CCDC171: variants seen among roughly 807,000 people sequenced by gnomAD.
CCDC171 encodes coiled-coil domain containing 171, also known as coiled-coil domain-containing protein 171.
In CCDC171, 177 loss-of-function variants were observed where a neutral mutation model predicts 168.2. That is an observed-to-expected ratio of 1.05 (90% CI 0.93 to 1.19). The LOEUF (loss-of-function observed/expected upper bound fraction) is 1.19, where lower values mean the gene tolerates loss of function less well. Among genes scored for constraint, CCDC171 ranks in the 50% most tolerant of loss-of-function variants. The probability of loss-of-function intolerance (pLI) is 0.00; values close to 1 mark genes in which losing one functional copy is unlikely to be tolerated. For synonymous variants in CCDC171, 687 were observed against 540.8 expected (o/e 1.27, Z -3.75); for missense variants, 1,991 against 1,539.0 (o/e 1.29, Z -4.91).
intron 11 of CCDC171, among the ~76,000 whole-genome samples, chr9:15,712,119 C>T (rs1420113361): frequency 2.0e-5 from 3 of 152,210 alleles, no homozygotes; most frequent in Middle Eastern, 3.2e-3. Context: ...AGAGAGAAAG[C>T]ATTCTTTCTT....
intron 6 of CCDC171, among the ~76,000 whole-genome samples, chr9:16,030,740 G>A (rs1031799850): frequency 4.6e-5 from 7 of 152,144 alleles, no homozygotes; most frequent in Non-Finnish European, 1.0e-4. Flanking sequence ...CCGCGCTGTA[G>A]GGCATGGTTT....
chr9:15,860,488 C>T (rs2061514163), intron 23 of CCDC171, among the ~76,000 whole-genome samples: 1 of 151,788 alleles, frequency 6.6e-6, no homozygotes, highest in Admixed American at 6.6e-5. Context: ...AAGATATTTT[C>T]TAACTTTCCT....
intron 21 of CCDC171, among the ~76,000 whole-genome samples, chr9:15,794,597 G>T (rs2058457840): frequency 6.6e-6 from 1 of 151,910 alleles, no homozygotes; most frequent in African/African-American, 2.4e-5. Flanking sequence ...AATTATATCA[G>T]GTAATAGCAA....
At chr9:15,746,402 G>T (rs1252780659) in intron 18 of CCDC171, among the ~76,000 whole-genome samples, 1 of 152,152 alleles carries the variant, frequency 6.6e-6, no homozygotes, top group Non-Finnish European at 1.5e-5. Context: ...TTTTGTAGTA[G>T]GAAACTTAAA....
rs1387970651 is a variant in CCDC171 at position 15,679,820 on chromosome 9, A to G, written c.1215+924A>G. Among the ~76,000 whole-genome samples, 6 of 152,328 alleles carry G rather than the reference A, an allele frequency of 3.9e-5. No homozygotes were observed. In the East Asian group the frequency reaches 9.6e-4, roughly 24 times the overall value. On this transcript the variant is annotated intron_variant, in intron 10 of 25. Transcript: ENST00000380701. ...TGTCTTGGCCTCCCAAAGTGCTGGG[A>G]TTAAGGCATGAAGCACTGCATTGAC...
At chr9:15,825,721 A>G (rs964262878) in intron 21 of CCDC171, among the ~76,000 whole-genome samples, 1 of 152,082 alleles carries the variant, frequency 6.6e-6, no homozygotes, top group African/African-American at 2.4e-5. Context: ...TGGTTAAAAT[A>G]TTTAGGAATG....
At chr9:15,835,014 A>G (rs1219145080) in intron 21 of CCDC171, among the ~76,000 whole-genome samples, 2 of 152,194 alleles carry the variant, frequency 1.3e-5, no homozygotes, top group Non-Finnish European at 2.9e-5. Context: ...AAAATCATTT[A>G]TCTGTGAAGA....
At chr9:15,641,306 G>A (rs1240086026) in intron 7 of CCDC171, among the ~76,000 whole-genome samples, 1 of 152,072 alleles carries the variant, frequency 6.6e-6, no homozygotes, top group Non-Finnish European at 1.5e-5. Flanking sequence ...CATTTTTCTT[G>A]ATGTCTATTT....
chr9:15,874,742 C>G (rs1174354707), intron 24 of CCDC171, 79 bp downstream of exon 24: 1 of 1,317,956 alleles, frequency 7.6e-7, no homozygotes, highest in Non-Finnish European at 1.0e-6. Flanking sequence ...ATGAAAGCCT[C>G]AAAGTATTGT....
chr9:15,693,228 A>G (rs2050954347), intron 10 of CCDC171, among the ~76,000 whole-genome samples: 1 of 152,142 alleles, frequency 6.6e-6, no homozygotes, highest in Non-Finnish European at 1.5e-5. Context: ...ACACATGCAC[A>G]CACACACTTC....
At chr9:16,051,259 T>G (rs80277675) in intron 1 of CCDC171, among the ~76,000 whole-genome samples, 2,471 of 152,320 alleles carry the variant, frequency 0.016, 63 homozygotes, top group African/African-American at 0.057. Context: ...CATCCGTGTC[T>G]CTAATGATTC....
intron 10 of CCDC171, among the ~76,000 whole-genome samples, chr9:15,688,518 A>C (rs1227288960): frequency 6.6e-6 from 1 of 152,198 alleles, no homozygotes; most frequent in Non-Finnish European, 1.5e-5. Context: ...AAGATATTAC[A>C]CCATGATCAA....
At chr9:15,633,074 G>GGA (rs1564097290) in intron 7 of CCDC171, among the ~76,000 whole-genome samples, 1 of 151,730 alleles carries the variant, frequency 6.6e-6, no homozygotes, top group Non-Finnish European at 1.5e-5. Flanking sequence ...AAACCCTATA[G>GGA]GAAAACCTAG....
chr9:16,060,951 G>GA (rs1210257493), exon 2 of CCDC171: 1 of 152,206 alleles, frequency 6.6e-6, no homozygotes, highest in African/African-American at 2.4e-5. Context: ...AAATTCCCTG[G>GA]AAAGTCCCCT....
chr9:16,074,264 C>T, the CCDC171 span, among the ~76,000 whole-genome samples: 1 of 152,168 alleles, frequency 6.6e-6, no homozygotes, highest in Non-Finnish European at 1.5e-5. Flanking sequence ...CTTTGATAAT[C>T]TATCTCCAAC....
intron 21 of CCDC171, among the ~76,000 whole-genome samples, chr9:15,838,740 GT>G (rs2060555404): frequency 6.6e-6 from 1 of 152,130 alleles, no homozygotes; most frequent in Non-Finnish European, 1.5e-5. Flanking sequence ...CTGGATACCA[GT>G]TTTTTAAAGA....
At chr9:15,910,444 T>C (rs1823455890) in intron 24 of CCDC171, among the ~76,000 whole-genome samples, 1 of 152,186 alleles carries the variant, frequency 6.6e-6, no homozygotes, top group Admixed American at 6.5e-5. Flanking sequence ...TTTGTGCTAG[T>C]ACCATGCTAT....
At chr9:15,702,040 G>A (rs1470741728) in intron 11 of CCDC171, among the ~76,000 whole-genome samples, 1 of 152,222 alleles carries the variant, frequency 6.6e-6, no homozygotes, top group Non-Finnish European at 1.5e-5. Context: ...CAGAATGGAT[G>A]TTGTGTTACC....
intron 15 of CCDC171, among the ~76,000 whole-genome samples, 187 bp downstream of exon 15, chr9:15,728,223 A>G (rs1267708992): frequency 2.0e-5 from 3 of 152,124 alleles, no homozygotes; most frequent in Non-Finnish European, 4.4e-5. Context: ...TGTAAATGTG[A>G]CTGAAGTCTG....
Sources: gnomAD v4.1 joint callset for allele counts (sites outside exome capture counted in the v4.1 genomes callset) on GRCh38, gnomAD v4.1.1 for gene constraint, MANE v1.5 for transcripts, NCBI Gene and HGNC (gene_info 2026-07-23, HGNC 2026-07-21) for gene names.